MTA3: variants seen among roughly 807,000 people sequenced by gnomAD.
The protein encoded by MTA3 is metastasis-associated protein MTA3.
In MTA3, 34 loss-of-function variants were observed where a neutral mutation model predicts 83.5. That is an observed-to-expected ratio of 0.41 (90% CI 0.31 to 0.54). The LOEUF (loss-of-function observed/expected upper bound fraction) is 0.54, where lower values mean the gene tolerates loss of function less well. Among genes scored for constraint, MTA3 ranks in the 20% least tolerant of loss-of-function variants. MTA3 has a pLI of 0.33. For synonymous variants in MTA3, 303 were observed against 252.7 expected (o/e 1.20, Z -1.89); for missense variants, 761 against 726.4 (o/e 1.05, Z -0.55).
chr2:42,659,689 G>GT lies in MTA3; in HGVS notation c.603-68dup. 3 of 1,187,008 alleles carry GT rather than the reference G, an allele frequency of 2.5e-6. No individual in the cohort carries two copies. In the South Asian group the frequency reaches 6.2e-5, roughly 25 times the overall value. The allele number at this position is 1,187,008 out of a possible 1,614,324, so 73.5% of individuals were successfully genotyped here. A position where few individuals can be genotyped will look rare whatever the true frequency, so the allele number is the denominator to read the frequency against. Reference sequence around the variant, plus strand: ...AGTTTTTTATTTACTATCCAAATGTGTTTTTTAAAACGTTAAAAAAACAAA... The same window carrying GT: ...AGTTTTTTATTTACTATCCAAATGTGTTTTTTTAAAACGTTAAAAAAACAAA... On this transcript the variant is annotated intron_variant, in intron 7 of 16. Transcript: ENST00000405094.
intron 16 of MTA3, among the ~76,000 whole-genome samples, chr2:42,737,239 A>G (rs974266056): frequency 1.3e-5 from 2 of 152,182 alleles, no homozygotes; most frequent in Non-Finnish European, 2.9e-5. Context: ...CTGCCTTTCA[A>G]GTTTATTTAG....
At position 42,664,119 on chromosome 2, in the gene MTA3, G is replaced by A. The variant is rs77187844; in HGVS notation, c.702+4257G>A. Among the ~76,000 whole-genome samples, 585 of 152,082 alleles carry A rather than the reference G, an allele frequency of 3.8e-3. 3 individuals carry two copies. Among genetic ancestry groups the A allele is most frequent in the African/African-American group, 0.013 (559 of 41,484 alleles). ...ACCTCATTTTTGTTAGAATGACTTGGATTTAAGCGTCATTATTGTCTTTCT... is the reference window on the plus strand; with the variant it reads ...ACCTCATTTTTGTTAGAATGACTTGAATTTAAGCGTCATTATTGTCTTTCT... On this transcript the variant is annotated intron_variant, in intron 8 of 16. Coordinates refer to ENST00000405094, the MANE Select transcript of MTA3 (RefSeq NM_001330442.2).
rs1237038220 is a variant in MTA3 at position 42,609,728 on chromosome 2, A to G, written c.317+144A>G. On this transcript the variant is annotated intron_variant, in intron 4 of 16. Transcript: ENST00000405094. ...TTCATAATGGAATTTTAGGTTGGAA[A>G]TTTATAATGTGTATTACCATATTAA... 4.4e-6 allele frequency: 4 copies of G among 908,390 alleles called. No individual in the cohort carries two copies. In the African/African-American group the frequency reaches 6.6e-5, roughly 15 times the overall value. 56.3% of individuals were successfully genotyped at this position (908,390 alleles called of 1,614,324 possible). A position where few individuals can be genotyped will look rare whatever the true frequency, so the allele number is the denominator to read the frequency against.
chr2:42,658,294 C>G (rs1689356209), intron 7 of MTA3, among the ~76,000 whole-genome samples: 1 of 150,958 alleles, frequency 6.6e-6, no homozygotes, highest in South Asian at 2.1e-4. Flanking sequence ...ACAAGTATCT[C>G]TTAAGTTTCA....
Position 42,756,110 on chromosome 2 carries a change from G to A in MTA3, c.*2711G>A. 2.6e-6 allele frequency: 2 copies of A among 776,692 alleles called. No homozygotes were observed. The highest frequency in any genetic ancestry group is 1.6e-6 in the Non-Finnish European group (1 of 639,118). 48.1% of individuals were successfully genotyped at this position (776,692 alleles called of 1,614,324 possible). ...CTGAGAGGCAAAACAGGGGAGTGAG[G>A]GGCAACCCAGAGGTGGGGAACAACA... On this transcript the variant is annotated 3_prime_UTR_variant, in exon 17 of 17. Coordinates refer to ENST00000405094, the MANE Select transcript of MTA3 (RefSeq NM_001330442.2).
chr2:42,665,237 C>A (rs1042639174), intron 8 of MTA3, among the ~76,000 whole-genome samples: 1 of 152,034 alleles, frequency 6.6e-6, no homozygotes, highest in Non-Finnish European at 1.5e-5. Flanking sequence ...ACTAAAAATA[C>A]AAAAGTTAGC....
intron 2 of MTA3, among the ~76,000 whole-genome samples, chr2:42,548,874 ATAATATATATAT>A (rs1676928610): frequency 9.4e-5 from 2 of 21,300 alleles, no homozygotes; most frequent in East Asian, 8.1e-4. Context: ...ATATATATAT[ATAATATATATAT>A]ATATATCAGC....
chr2:42,612,626 C>A (rs921901403), intron 4 of MTA3, among the ~76,000 whole-genome samples: 3 of 152,094 alleles, frequency 2.0e-5, no homozygotes, highest in African/African-American at 7.2e-5. Flanking sequence ...CTTTGTGAGC[C>A]AAGGCAGGTG....
At chr2:42,679,261 T>G (rs1277709940) in intron 8 of MTA3, among the ~76,000 whole-genome samples, 1 of 152,188 alleles carries the variant, frequency 6.6e-6, no homozygotes, top group African/African-American at 2.4e-5. Flanking sequence ...ATATTATGGC[T>G]CACTCCCCTT....
intron 10 of MTA3, among the ~76,000 whole-genome samples, chr2:42,697,310 C>T (rs1693477052): frequency 6.6e-6 from 1 of 152,060 alleles, no homozygotes; most frequent in Admixed American, 6.6e-5. Flanking sequence ...TTTAGTTCTA[C>T]TTAGAATAGC....
At chr2:42,606,390 GC>G (rs1195570065) in intron 3 of MTA3, among the ~76,000 whole-genome samples, 2 of 150,800 alleles carry the variant, frequency 1.3e-5, no homozygotes, top group South Asian at 2.1e-4. Flanking sequence ...AGACGGGGCG[GC>G]CGGGCAGAGA....
In MTA3 at chr2:42,580,261, GT is replaced by G. The variant is rs540964368; in HGVS notation, c.190+1062del. Among the ~76,000 whole-genome samples, 5 of 152,170 alleles carry G rather than the reference GT, an allele frequency of 3.3e-5. No individual in the cohort carries two copies. In the East Asian group the frequency reaches 9.7e-4, roughly 29 times the overall value. On this transcript the variant is annotated intron_variant, in intron 3 of 16. Coordinates refer to ENST00000405094, the MANE Select transcript of MTA3 (RefSeq NM_001330442.2). ...TTTCCAAAGTGCTGGGATTATTGGT[GT>G]GAGCCACCATGCCCAGCCACATTTT... is the stretch of plus-strand genomic sequence containing the variant.
intron 11 of MTA3, among the ~76,000 whole-genome samples, chr2:42,699,464 T>G (rs944343910): frequency 6.6e-6 from 1 of 152,306 alleles, no homozygotes; most frequent in Middle Eastern, 3.4e-3. Context: ...ATGGTCAGAT[T>G]AGCACTTTAA....
intron 2 of MTA3, among the ~76,000 whole-genome samples, chr2:42,508,093 C>T (rs1055559710): frequency 6.6e-6 from 1 of 152,158 alleles, no homozygotes; most frequent in Non-Finnish European, 1.5e-5. Flanking sequence ...TGGGCACCTG[C>T]TGTTCCCTCT....
chr2:42,755,320 TCAGCTGC>T lies in MTA3; in HGVS notation c.*1927_*1933del, dbSNP rs1228489478. 1.1e-5 allele frequency: 11 copies of T among 985,478 alleles called. No individual in the cohort carries two copies. In the Admixed American group the frequency reaches 3.1e-4, roughly 28 times the overall value. 61.0% of individuals were successfully genotyped at this position (985,478 alleles called of 1,614,324 possible). On this transcript the variant is annotated 3_prime_UTR_variant, in exon 17 of 17. Transcript: ENST00000405094. ...CTGGAAACAATTAGCTGCCCGTGACTCAGCTGCCAGCTTCATTTTCTCTGCCTTTTGG... is the reference window on the plus strand; with the variant it reads ...CTGGAAACAATTAGCTGCCCGTGACTCAGCTTCATTTTCTCTGCCTTTTGG...
intron 16 of MTA3, among the ~76,000 whole-genome samples, chr2:42,744,204 C>T (rs1669241027): frequency 6.6e-6 from 1 of 152,182 alleles, no homozygotes; most frequent in South Asian, 2.1e-4. Context: ...TGGTCTCCAC[C>T]TCTGAAGCCA....
At chr2:42,563,668 A>T (rs1004808498), upstream of MTA3, among the ~76,000 whole-genome samples, 2 of 151,676 alleles carry the variant, frequency 1.3e-5, no homozygotes, top group Non-Finnish European at 2.9e-5. Flanking sequence ...GGATTTCGCC[A>T]TGTTAGCCAG....
intron 16 of MTA3, among the ~76,000 whole-genome samples, chr2:42,739,537 C>T (rs997964203): frequency 1.3e-5 from 2 of 151,438 alleles, no homozygotes; most frequent in African/African-American, 2.4e-5. Context: ...TTGATGGCCA[C>T]TGTTGATCAG....
chr2:42,510,553 C>A (rs1470400638), intron 2 of MTA3, among the ~76,000 whole-genome samples: 1 of 152,148 alleles, frequency 6.6e-6, no homozygotes. Context: ...TTGAACACTT[C>A]AAATGGGCAA....
Sources: allele counts gnomAD v4.1 joint callset (sites outside exome capture counted in the v4.1 genomes callset), GRCh38; gene constraint gnomAD v4.1.1; transcripts MANE v1.5; gene names NCBI Gene and HGNC (gene_info 2026-07-23, HGNC 2026-07-21).